KDM5B: variants seen among roughly 807,000 people sequenced by gnomAD.
KDM5B encodes lysine-specific demethylase 5B.
In KDM5B, 144 loss-of-function variants were observed where a neutral mutation model predicts 193.4. The ratio of observed to expected loss-of-function variants is 0.74; its 90% CI spans 0.65 to 0.86. The LOEUF (loss-of-function observed/expected upper bound fraction) is 0.86. KDM5B is among the 40% of genes least tolerant of loss of function. KDM5B has a pLI of 0.00. For synonymous variants in KDM5B, 668 were observed against 682.6 expected, an observed-to-expected ratio of 0.98 and a Z score of 0.33; for missense variants, 1,833 against 1,886.9, an observed-to-expected ratio of 0.97 and a Z score of 0.53.
At position 202,733,821 on chromosome 1, in the gene KDM5B, A is replaced by G; in HGVS notation, c.3489T>C (p.Asn1163=). Residue 1163 remains asparagine (N), a synonymous_variant, in exon 23 of 27, where the codon AAT becomes AAC. Coordinates refer to ENST00000367265, the MANE Select transcript of KDM5B (RefSeq NM_006618.5). The stretch of plus-strand genomic sequence containing the variant: ...GGAGAGGCGACAGCAATTTCCCTTC[A>G]TTGGCGAGTCTGAGAGACTGCAAGG... ...MEALQSLRLA[N]EGKLLSPLQD... The G allele has an allele frequency of 6.2e-7, 1 of 1,614,148 alleles. No homozygotes were observed. The highest frequency in any genetic ancestry group is 8.5e-7 in the Non-Finnish European group (1 of 1,180,008).
At chr1:202,733,275 A>C (rs1654959614) in intron 23 of KDM5B, 126 bp downstream of exon 23, 1 of 987,136 alleles carries the variant, frequency 1.0e-6, no homozygotes, top group Admixed American at 2.5e-5. Context: ...AGCTACAGGT[A>C]AAGTGGGTGC....
At chr1:202,736,130 T>C in intron 21 of KDM5B, 83 bp downstream of exon 21, 1 of 969,846 alleles carries the variant, frequency 1.0e-6, no homozygotes, top group Non-Finnish European at 1.5e-6. Flanking sequence ...TAATCTGTGA[T>C]GTCATCTTTG....
chr1:202,754,063 C>T (rs1295003840), intron 11 of KDM5B, among the ~76,000 whole-genome samples: 1 of 152,186 alleles, frequency 6.6e-6, no homozygotes. Flanking sequence ...GGCAACTTTC[C>T]ATTTTTCTTT....
At chr1:202,739,934 T>C (rs892281682) in intron 20 of KDM5B, among the ~76,000 whole-genome samples, 2 of 152,196 alleles carry the variant, frequency 1.3e-5, no homozygotes, top group Non-Finnish European at 2.9e-5. Context: ...TTTCCCCCCT[T>C]TCTATTCCAC....
At position 202,732,271 on chromosome 1, in the gene KDM5B, T is replaced by C. The variant is rs141342041; in HGVS notation, c.3910-332A>G. The C allele has an allele frequency of 4.7e-3, 1,134 of 243,450 alleles. 9 individuals are homozygous for C. Among genetic ancestry groups the C allele is most frequent in the African/African-American group, 0.025 (1,068 of 42,778 alleles). 15.1% of individuals were successfully genotyped at this position (243,450 alleles called of 1,614,324 possible). ...CTTTTCTAATTCTCCTTATTGAAGA[T>C]TAAAATACGATGAACACATATGTAC... On this transcript the variant is annotated intron_variant, in intron 23 of 26. Transcript: ENST00000367265.
chr1:202,740,593 C>G (rs533672967), intron 20 of KDM5B, 81 bp downstream of exon 20: 2 of 1,357,722 alleles, frequency 1.5e-6, no homozygotes, highest in East Asian at 2.5e-5. Context: ...GCTGACCCCC[C>G]CACCTCCCTC....
chr1:202,760,717 A>T (rs1228922187), intron 7 of KDM5B, 144 bp from the exon 8 acceptor site: 1 of 500,466 alleles, frequency 2.0e-6, no homozygotes, highest in African/African-American at 2.0e-5. Context: ...GGGATATTTT[A>T]AATAAAAATG....
At chr1:202,802,007 C>G (rs1658096554) in intron 1 of KDM5B, among the ~76,000 whole-genome samples, 1 of 150,716 alleles carries the variant, frequency 6.6e-6, no homozygotes, top group Non-Finnish European at 1.5e-5. Flanking sequence ...TGCCAATGAT[C>G]TGTACTATAA....
intron 5 of KDM5B, among the ~76,000 whole-genome samples, chr1:202,764,705 G>A (rs147957510): frequency 7.9e-5 from 12 of 152,194 alleles, no homozygotes; most frequent in Admixed American, 5.9e-4. Context: ...GTGGCTGGGC[G>A]AGGTGCCTCA....
At chr1:202,764,729 A>C (rs368629761) in intron 5 of KDM5B, among the ~76,000 whole-genome samples, 243 of 152,334 alleles carry the variant, frequency 1.6e-3, no homozygotes, top group African/African-American at 5.5e-3. Flanking sequence ...CTGTAATCCC[A>C]GCATTTTGGG....
intron 3 of KDM5B, among the ~76,000 whole-genome samples, chr1:202,774,024 A>G (rs1458009357): frequency 6.6e-6 from 1 of 152,198 alleles, no homozygotes; most frequent in African/African-American, 2.4e-5. Context: ...GGCATGAGCC[A>G]CCACGCCCGG....
intron 24 of KDM5B, 73 bp from the exon 25 acceptor site, chr1:202,731,136 C>T: frequency 7.9e-7 from 1 of 1,263,040 alleles, no homozygotes; most frequent in South Asian, 1.5e-5. Flanking sequence ...GTTTATGAGA[C>T]AAATAGAAGG....
rs1229807871 is a variant in KDM5B at position 202,781,973 on chromosome 1, CAAATTA to C, written c.205-4885_205-4880del. Among the ~76,000 whole-genome samples the C allele has an allele frequency of 2.5e-4, 38 of 150,444 alleles. 1 individual carries two copies. Among genetic ancestry groups the C allele is most frequent in the African/African-American group, 9.7e-5 (4 of 41,226 alleles). ...CAAAAGCCTGTATATTAAAGTTTTA[CAAATTA>C]AAATGAGCTTCTATGTATGAATATA... On this transcript the variant is annotated intron_variant, in intron 1 of 26. Transcript: ENST00000367265.
intron 1 of KDM5B, 86 bp from the exon 2 acceptor site, chr1:202,777,180 G>C (rs1238055715): frequency 1.6e-5 from 17 of 1,041,162 alleles, no homozygotes; most frequent in Non-Finnish European, 2.5e-5. Flanking sequence ...CCCAGGTTAG[G>C]TAAATCTTAT....
intron 1 of KDM5B, among the ~76,000 whole-genome samples, chr1:202,777,854 G>T (rs35739464): frequency 0.19 from 29,206 of 151,834 alleles, 3,053 homozygotes; most frequent in Middle Eastern, 0.28. Context: ...GTCAGGGGGA[G>T]AAAAACTGAC....
At chr1:202,761,193 C>T (rs1288891108) in intron 7 of KDM5B, among the ~76,000 whole-genome samples, 1 of 152,160 alleles carries the variant, frequency 6.6e-6, no homozygotes, top group Non-Finnish European at 1.5e-5. Context: ...GTAATCCCAA[C>T]ACTTTTGGGG....
At position 202,777,029 on chromosome 1, in the gene KDM5B, C is replaced by T. The variant is rs1656985294; in HGVS notation, c.270G>A (p.Leu90=). The T allele has an allele frequency of 5.0e-6, 8 of 1,609,784 alleles. No homozygotes were observed. Among genetic ancestry groups the T allele is most frequent in the African/African-American group, 2.7e-5 (2 of 74,852 alleles). ...GTGAAGACATTACCTCCAATTCATTCAGTCTCTGGATACGTGGCGTAAAAT... is the reference window on the plus strand; with the variant it reads ...GTGAAGACATTACCTCCAATTCATTTAGTCTCTGGATACGTGGCGTAAAAT... ...KLHFTPRIQR[L]NELEAQTRVK... Residue 90 remains leucine (L), a synonymous_variant, in exon 2 of 27, where the codon CTG becomes CTA. Coordinates refer to ENST00000367265, the MANE Select transcript of KDM5B (RefSeq NM_006618.5).
At chr1:202,781,809 T>C (rs1657208014) in intron 1 of KDM5B, among the ~76,000 whole-genome samples, 1 of 152,212 alleles carries the variant, frequency 6.6e-6, no homozygotes, top group Admixed American at 6.5e-5. Context: ...GTTCAAATAT[T>C]TAGTCTTAAC....
At chr1:202,767,583 T>C (rs977093559) in intron 4 of KDM5B, among the ~76,000 whole-genome samples, 1 of 152,154 alleles carries the variant, frequency 6.6e-6, no homozygotes, top group African/African-American at 2.4e-5. Flanking sequence ...TTTTGTAAGG[T>C]ACATTTTACA....
Sources: gnomAD v4.1 joint callset for allele counts (sites outside exome capture counted in the v4.1 genomes callset) on GRCh38, gnomAD v4.1.1 for gene constraint, MANE v1.5 for transcripts, NCBI Gene and HGNC (gene_info 2026-07-23, HGNC 2026-07-21) for gene names.